Variants in CD33 observed in about 807,000 individuals in gnomAD.
CD33 encodes the protein myeloid cell surface antigen CD33.
CD33 carries 25 observed loss-of-function variants against 31.4 expected under a neutral mutation model. The ratio of observed to expected loss-of-function variants is 0.80; its 90% confidence interval spans 0.58 to 1.11. CD33 has a LOEUF of 1.11. Among genes scored for constraint, CD33 ranks in the 50% most tolerant of loss-of-function variants. The pLI, the probability that CD33 is intolerant of heterozygous loss-of-function variation, is 0.00. For synonymous variants in CD33, 176 were observed against 180.6 expected (o/e 0.97, Z 0.20); for missense variants, 407 against 448.1 (o/e 0.91, Z 0.83).
At chr19:51,231,346 G>T (rs1981394520) in intron 4 of CD33, among the ~76,000 whole-genome samples, 2 of 152,212 alleles carry the variant, frequency 1.3e-5, no homozygotes, top group South Asian at 4.1e-4. Flanking sequence ...AACTTGTCTT[G>T]TCTCATTCCT....
At chr19:51,231,161 C>T (rs1846935) in intron 4 of CD33, among the ~76,000 whole-genome samples, 3,499 of 152,288 alleles carry the variant, frequency 0.023, 136 homozygotes, top group African/African-American at 0.076. Context: ...CTTGATGCAC[C>T]GCTACCTTTC....
chr19:51,236,332 C>A (rs969630080), intron 6 of CD33: 5 of 181,556 alleles, frequency 2.8e-5, no homozygotes, highest in South Asian at 1.2e-4. Flanking sequence ...ACAGGGTAAG[C>A]AAGCTAGGCA....
At chr19:51,222,293 G>A (rs372158099), upstream of CD33, among the ~76,000 whole-genome samples, 14 of 152,278 alleles carry the variant, frequency 9.2e-5, 1 homozygote, top group East Asian at 3.9e-4. Context: ...ACATGGCTAG[G>A]AGGAGTGGTA....
In CD33 at chr19:51,235,619, A is replaced by T; in HGVS notation, c.867A>T (p.Ala289=). The part of the protein sequence containing the change: ...FFIVKTHRRK[A]ARTAVGRNDT... ...GAGTGAAGACCCACAGGAGGAAAGC[A>T]GCCAGGACAGCAGTGGGCAGGAATG... Residue 289 remains alanine, a synonymous_variant, in exon 6 of 7, where the codon GCA becomes GCT. Transcript: ENST00000262262. 6.2e-7 allele frequency: 1 copy of T among 1,614,036 alleles called. No homozygotes were observed. Among genetic ancestry groups the T allele is most frequent in the Non-Finnish European group, 8.5e-7 (1 of 1,179,994 alleles).
In CD33 at chr19:51,235,456, G is replaced by A. The variant is rs141793680; in HGVS notation, c.843-139G>A. The A allele has an allele frequency of 1.6e-4, 230 of 1,428,684 alleles. 1 individual carries two copies. In the African/African-American group the frequency reaches 3.1e-3, roughly 19 times the overall value. The allele number at this position is 1,428,684 out of a possible 1,614,324, so 88.5% of individuals were successfully genotyped here. On this transcript the variant is annotated intron_variant, in intron 5 of 6. Transcript: ENST00000262262. ...GTCCAAGGAGTGGGAGGTAGAGGGA[G>A]ACCTTGTGACTAAGTCTTGTTTGAG... is the stretch of plus-strand genomic sequence containing the variant.
At chr19:51,225,666 G>A in intron 2 of CD33, 68 bp downstream of exon 2, 1 of 1,532,676 alleles carries the variant, frequency 6.5e-7, no homozygotes. Flanking sequence ...GGCTGGGATG[G>A]GACCCTGGTA....
At chr19:51,238,932 A>G (rs1468424793) in intron 6 of CD33, 1 of 152,288 alleles carries the variant, frequency 6.6e-6, no homozygotes. Flanking sequence ...CTGCATTCCC[A>G]TAGCTTCCCC....
chr19:51,221,513 T>C (rs553310616), upstream of CD33, among the ~76,000 whole-genome samples: 1 of 152,192 alleles, frequency 6.6e-6, no homozygotes, highest in Admixed American at 6.5e-5. Flanking sequence ...TTAACAAGGA[T>C]GTGAAACAAT....
the CD33 span, among the ~76,000 whole-genome samples, chr19:51,220,027 A>AT: frequency 6.6e-6 from 1 of 152,226 alleles, no homozygotes; most frequent in Non-Finnish European, 1.5e-5. Context: ...TATCACGGTC[A>AT]TACTGGCTTC....
At chr19:51,231,246 T>C (rs1400014211) in intron 4 of CD33, among the ~76,000 whole-genome samples, 1 of 152,260 alleles carries the variant, frequency 6.6e-6, no homozygotes, top group Non-Finnish European at 1.5e-5. Flanking sequence ...CTTTGTTTGA[T>C]TACCAATAAA....
chr19:51,211,952 C>T, the CD33 span: 1 of 1,284,352 alleles, frequency 7.8e-7, no homozygotes, highest in Admixed American at 1.7e-5. Flanking sequence ...GGACCCTCCA[C>T]TCCTCAGTGC....
In CD33 at chr19:51,239,712, C is replaced by T; in HGVS notation, c.*24C>T. On this transcript the variant is annotated 3_prime_UTR_variant, in exon 7 of 7. Transcript: ENST00000262262. ...GAGGAACCCACAAGAGCATCAGGCTCAGCTAGAAGATCCACATCCTCTACA... is the reference window on the plus strand; with the variant it reads ...GAGGAACCCACAAGAGCATCAGGCTTAGCTAGAAGATCCACATCCTCTACA... The T allele has an allele frequency of 3.8e-6, 6 of 1,589,164 alleles. No individual in the cohort carries two copies. Among genetic ancestry groups the T allele is most frequent in the South Asian group, 3.4e-5 (3 of 87,346 alleles).
chr19:51,231,931 G>A (rs569261328), intron 4 of CD33, among the ~76,000 whole-genome samples: 1 of 152,030 alleles, frequency 6.6e-6, no homozygotes, highest in East Asian at 1.9e-4. Context: ...GCTAATTTTT[G>A]TGTTTCTTGT....
the CD33 span, chr19:51,212,024 C>T: frequency 1.6e-5 from 15 of 954,942 alleles, no homozygotes; most frequent in African/African-American, 8.3e-5. Flanking sequence ...TGACGTTCCC[C>T]GGAGCTGGTG....
the CD33 span, chr19:51,211,813 T>A: frequency 1.1e-6 from 1 of 931,072 alleles, no homozygotes; most frequent in South Asian, 1.4e-5. Context: ...AGGCCCAGCA[T>A]CTTCATCCCG....
chr19:51,220,616 T>A (rs191097128), upstream of CD33, among the ~76,000 whole-genome samples: 22 of 152,328 alleles, frequency 1.4e-4, no homozygotes, highest in African/African-American at 4.3e-4. Flanking sequence ...GGATTTCCAC[T>A]GGTCAAGATC....
chr19:51,235,966 G>A (rs1981767253), intron 6 of CD33: 13 of 679,594 alleles, frequency 1.9e-5, no homozygotes, highest in South Asian at 1.8e-4. Flanking sequence ...AGACTATCCT[G>A]GCTAACATGG....
chr19:51,211,817 C>T, the CD33 span: 1 of 951,964 alleles, frequency 1.1e-6, no homozygotes, highest in Non-Finnish European at 1.7e-6. Context: ...CCAGCATCTT[C>T]ATCCCGAGGA....
chr19:51,235,047 G>A (rs1981677237), intron 4 of CD33, 110 bp from the exon 5 acceptor site: 1 of 801,948 alleles, frequency 1.2e-6, no homozygotes, highest in Admixed American at 2.1e-5. Context: ...AGATCTAGGA[G>A]CTAAACCCCA....
Sources: gnomAD v4.1 joint callset for allele counts (sites outside exome capture counted in the v4.1 genomes callset) on GRCh38, gnomAD v4.1.1 for gene constraint, MANE v1.5 for transcripts, NCBI Gene and HGNC (gene_info 2026-07-23, HGNC 2026-07-21) for gene names.